SLC10A7: variants seen among roughly 807,000 people sequenced by gnomAD.
SLC10A7 encodes the protein sodium/bile acid cotransporter 7.
Under a neutral mutation model 43.2 loss-of-function variants are expected in SLC10A7, and 29 were observed. That is an observed-to-expected ratio of 0.67 (90% CI 0.50 to 0.92). The LOEUF (loss-of-function observed/expected upper bound fraction) is 0.92, where lower values mean the gene tolerates loss of function less well. Among genes scored for constraint, SLC10A7 ranks in the 40% least tolerant of loss-of-function variants. The pLI is 0.00. For synonymous variants in SLC10A7, 152 were observed against 144.8 expected (o/e 1.05, Z -0.35); for missense variants, 295 against 403.2 (o/e 0.73, Z 2.30).
At chr4:146,503,194 C>CT (rs574224080) in intron 4 of SLC10A7, among the ~76,000 whole-genome samples, 2 of 152,132 alleles carry the variant, frequency 1.3e-5, no homozygotes, top group Non-Finnish European at 2.9e-5. Context: ...TCAATAACAT[C>CT]TTTTTTCTGA....
At chr4:146,491,402 T>C (rs895363853) in intron 4 of SLC10A7, among the ~76,000 whole-genome samples, 3 of 152,088 alleles carry the variant, frequency 2.0e-5, no homozygotes, top group Non-Finnish European at 4.4e-5. Context: ...GAAATATGAA[T>C]GGCAAATATC....
intron 5 of SLC10A7, among the ~76,000 whole-genome samples, chr4:146,429,699 T>C (rs1016665847): frequency 3.9e-5 from 6 of 152,132 alleles, no homozygotes; most frequent in Non-Finnish European, 7.4e-5. Context: ...ACAATCTAGA[T>C]GGAAACTCAC....
intron 5 of SLC10A7, among the ~76,000 whole-genome samples, chr4:146,430,779 T>A (rs1729723124): frequency 6.6e-6 from 1 of 152,206 alleles, no homozygotes; most frequent in African/African-American, 2.4e-5. Flanking sequence ...CTAGTTACTC[T>A]AGTTACTCAT....
At chr4:146,378,877 G>A (rs1000677157) in intron 5 of SLC10A7, among the ~76,000 whole-genome samples, 1 of 151,428 alleles carries the variant, frequency 6.6e-6, no homozygotes, top group Non-Finnish European at 1.5e-5. Context: ...GAAGGCTGAT[G>A]ATAGAAGATC....
intron 4 of SLC10A7, among the ~76,000 whole-genome samples, chr4:146,497,564 A>G (rs1736006139): frequency 6.6e-6 from 1 of 152,132 alleles, no homozygotes; most frequent in Non-Finnish European, 1.5e-5. Flanking sequence ...TATTCACTTC[A>G]CATTTTTCGG....
chr4:146,417,621 C>T (rs778323879), intron 5 of SLC10A7, among the ~76,000 whole-genome samples: 19 of 152,108 alleles, frequency 1.2e-4, no homozygotes, highest in Admixed American at 7.9e-4. Context: ...TGCTTCTTTC[C>T]CAAATGTTTT....
chr4:146,272,919 T>C (rs768508428), intron 10 of SLC10A7, among the ~76,000 whole-genome samples: 3 of 152,248 alleles, frequency 2.0e-5, no homozygotes, highest in African/African-American at 7.2e-5. Flanking sequence ...TGTGGCAAAG[T>C]CTTCATCAGA....
chr4:146,329,079 G>C (rs1733357202), intron 5 of SLC10A7, among the ~76,000 whole-genome samples: 2 of 152,192 alleles, frequency 1.3e-5, no homozygotes, highest in South Asian at 4.2e-4. Context: ...ACTTCTAATG[G>C]ATAGTCAATG....
At chr4:146,348,768 T>A (rs1734808844) in intron 5 of SLC10A7, among the ~76,000 whole-genome samples, 1 of 152,218 alleles carries the variant, frequency 6.6e-6, no homozygotes, top group African/African-American at 2.4e-5. Context: ...TTTTATAAAA[T>A]AATTTACTTG....
At chr4:146,302,897 C>T (rs1303039797) in intron 7 of SLC10A7, among the ~76,000 whole-genome samples, 1 of 152,118 alleles carries the variant, frequency 6.6e-6, no homozygotes, top group Non-Finnish European at 1.5e-5. Context: ...AAAATTAGTA[C>T]ATGTGTTGTG....
At chr4:146,463,473 A>G (rs139411243) in intron 4 of SLC10A7, among the ~76,000 whole-genome samples, 1 of 152,250 alleles carries the variant, frequency 6.6e-6, no homozygotes, top group East Asian at 1.9e-4. Context: ...AAAATAATTC[A>G]GTCACATCTG....
intron 2 of SLC10A7, among the ~76,000 whole-genome samples, chr4:146,511,332 G>A (rs1274988009): frequency 2.6e-5 from 4 of 152,132 alleles, no homozygotes; most frequent in Non-Finnish European, 1.5e-5. Flanking sequence ...AAATAAAACT[G>A]GAAAGTGCTA....
At chr4:146,460,112 C>T (rs6850826) in intron 4 of SLC10A7, among the ~76,000 whole-genome samples, 9 of 151,536 alleles carry the variant, frequency 5.9e-5, no homozygotes, top group Non-Finnish European at 8.9e-5. Context: ...TAGTAGAGAA[C>T]TATTAATTAA....
intron 10 of SLC10A7, among the ~76,000 whole-genome samples, chr4:146,261,219 G>A (rs1038253649): frequency 3.3e-5 from 5 of 152,204 alleles, no homozygotes; most frequent in Non-Finnish European, 5.9e-5. Flanking sequence ...GGCTGGAGGA[G>A]GAGGAGGAAT....
intron 4 of SLC10A7, among the ~76,000 whole-genome samples, chr4:146,500,959 C>T (rs2150025654): frequency 6.6e-6 from 1 of 152,304 alleles, no homozygotes; most frequent in Non-Finnish European, 1.5e-5. Flanking sequence ...ACCAGACCCT[C>T]CTCTTCAAAC....
At chr4:146,516,478 G>A (rs535027390) in intron 2 of SLC10A7, among the ~76,000 whole-genome samples, 1 of 141,642 alleles carries the variant, frequency 7.1e-6, no homozygotes, top group Admixed American at 7.1e-5. Flanking sequence ...ATGTATATGT[G>A]TATATATATA....
At chr4:146,369,150 T>C (rs1182909404) in intron 5 of SLC10A7, among the ~76,000 whole-genome samples, 1 of 152,122 alleles carries the variant, frequency 6.6e-6, no homozygotes, top group East Asian at 1.9e-4. Context: ...CCAGCAGGTA[T>C]AAGGAGTATG....
chr4:146,355,650 C>G (rs1470380330), intron 5 of SLC10A7, among the ~76,000 whole-genome samples: 4 of 151,850 alleles, frequency 2.6e-5, no homozygotes, highest in Non-Finnish European at 5.9e-5. Context: ...AAATGTCTAA[C>G]AATGATAGAC....
chr4:146,372,043 A>T (rs1025618305), intron 5 of SLC10A7, among the ~76,000 whole-genome samples: 1 of 152,172 alleles, frequency 6.6e-6, no homozygotes, highest in Non-Finnish European at 1.5e-5. Flanking sequence ...TCTTCCTATT[A>T]CTAAATATAT....
Sources: gnomAD v4.1 joint callset for allele counts (sites outside exome capture counted in the v4.1 genomes callset) on GRCh38, gnomAD v4.1.1 for gene constraint, MANE v1.5 for transcripts, NCBI Gene and HGNC (gene_info 2026-07-23, HGNC 2026-07-21) for gene names.